Variants in PKP4 observed in about 807,000 individuals in gnomAD.
PKP4 encodes the protein plakophilin-4.
In PKP4, 90 loss-of-function variants were observed where a neutral mutation model predicts 145.1. The observed-to-expected ratio is 0.62, with a 90% CI of 0.52 to 0.74. The LOEUF (loss-of-function observed/expected upper bound fraction) is 0.74. PKP4 is among the 30% of genes least tolerant of loss of function. PKP4 has a pLI of 0.00. For synonymous variants in PKP4, 563 were observed against 577.2 expected, an observed-to-expected ratio of 0.98 and a Z score of 0.35; for missense variants, 1,340 against 1,482.7, an observed-to-expected ratio of 0.90 and a Z score of 1.58.
intron 1 of PKP4, among the ~76,000 whole-genome samples, chr2:158,484,858 A>AAC (rs1559207480): frequency 6.6e-6 from 1 of 152,196 alleles, no homozygotes. Flanking sequence ...CCCCATATGG[A>AAC]CTTGTTAGAA....
At chr2:158,500,618 G>A (rs1043225586) in intron 1 of PKP4, among the ~76,000 whole-genome samples, 12 of 152,162 alleles carry the variant, frequency 7.9e-5, no homozygotes, top group African/African-American at 2.7e-4. Flanking sequence ...CAGAGCCCGT[G>A]CCTTCCTTCA....
intron 11 of PKP4, among the ~76,000 whole-genome samples, chr2:158,645,840 A>G (rs771388485): frequency 3.9e-5 from 6 of 152,224 alleles, no homozygotes; most frequent in African/African-American, 7.2e-5. Flanking sequence ...CAGGAAGAAA[A>G]GTACATGATT....
intron 6 of PKP4, among the ~76,000 whole-genome samples, chr2:158,624,674 CAAA>C (rs999943180): frequency 2.3e-4 from 19 of 81,236 alleles, no homozygotes; most frequent in Non-Finnish European, 3.4e-4. Context: ...TTTAAACCAC[CAAA>C]AAAAAAAAAA....
chr2:158,586,899 C>T (rs2048845282), intron 3 of PKP4, among the ~76,000 whole-genome samples: 1 of 152,198 alleles, frequency 6.6e-6, no homozygotes, highest in South Asian at 2.1e-4. Context: ...TTGCCTAGGA[C>T]ATGTGACCCC....
chr2:158,674,836 A>G (rs2057868461), intron 19 of PKP4, among the ~76,000 whole-genome samples: 1 of 152,210 alleles, frequency 6.6e-6, no homozygotes, highest in Non-Finnish European at 1.5e-5. Context: ...TATCTATTTT[A>G]TTCAGCAGTG....
intron 1 of PKP4, among the ~76,000 whole-genome samples, chr2:158,467,388 C>G (rs1429840437): frequency 1.3e-5 from 2 of 152,012 alleles, no homozygotes; most frequent in Admixed American, 1.3e-4. Flanking sequence ...TTCATTACAA[C>G]TATAGTTTTG....
chr2:158,615,961 C>A (rs1201811364), intron 4 of PKP4, among the ~76,000 whole-genome samples: 2 of 152,166 alleles, frequency 1.3e-5, no homozygotes, highest in African/African-American at 2.4e-5. Flanking sequence ...AAGAACCAGA[C>A]CAGAAATAGT....
intron 1 of PKP4, among the ~76,000 whole-genome samples, chr2:158,482,393 C>T (rs1436278949): frequency 6.6e-6 from 1 of 152,208 alleles, no homozygotes; most frequent in Non-Finnish European, 1.5e-5. Flanking sequence ...AAGTGATCCT[C>T]CTGCTTCAGC....
intron 1 of PKP4, among the ~76,000 whole-genome samples, chr2:158,529,918 G>A (rs1463927388): frequency 6.6e-6 from 1 of 152,070 alleles, no homozygotes; most frequent in Non-Finnish European, 1.5e-5. Context: ...TTGATATCAT[G>A]GCTAAAACAT....
In PKP4 at chr2:158,577,354, A is replaced by G; in HGVS notation, c.216A>G (p.Gly72=). The G allele has an allele frequency of 6.2e-7, 1 of 1,612,840 alleles. No homozygotes were observed. Among genetic ancestry groups the G allele is most frequent in the Non-Finnish European group, 8.5e-7 (1 of 1,179,376 alleles). Residue 72 remains glycine, a synonymous_variant, in exon 3 of 22, where the codon GGA becomes GGG. Transcript: ENST00000389759. ...VASQLERCRL[G]AESPSIASTS... ...GTCAGCTAGAAAGATGTAGGCTTGG[A>G]GCAGAATCACCAAGCATCGCCAGCA...
Position 158,662,902 on chromosome 2 carries a change from G to A in PKP4, c.2217G>A (p.Val739=), listed in dbSNP as rs766044197. Residue 739 remains valine, a synonymous_variant, in exon 14 of 22, where the codon GTG becomes GTA. Coordinates refer to ENST00000389759, the MANE Select transcript of PKP4 (RefSeq NM_003628.6). ...TACGCCATGCTGGGTTTCAGACGGT[G>A]GAGAACTGCGTGTGCACCCTGAGGA... ...VNTSDYDSKT[V]ENCVCTLRNL... 10 of 1,599,098 alleles carry A rather than the reference G, an allele frequency of 6.3e-6. No homozygotes were observed. Among genetic ancestry groups the A allele is most frequent in the Non-Finnish European group, 5.1e-6 (6 of 1,174,156 alleles).
chr2:158,488,225 G>T (rs1298217804), intron 1 of PKP4, among the ~76,000 whole-genome samples: 1 of 152,212 alleles, frequency 6.6e-6, no homozygotes, highest in Non-Finnish European at 1.5e-5. Flanking sequence ...TCTAGGTAGT[G>T]TATGAAAGTT....
intron 2 of PKP4, 82 bp from the exon 3 acceptor site, chr2:158,577,189 C>T: frequency 1.2e-6 from 1 of 806,188 alleles, no homozygotes. Flanking sequence ...TCCTATGTTT[C>T]CTGTGACATA....
At chr2:158,475,938 A>C (rs1423900252) in intron 1 of PKP4, among the ~76,000 whole-genome samples, 1 of 152,252 alleles carries the variant, frequency 6.6e-6, no homozygotes, top group Non-Finnish European at 1.5e-5. Context: ...TAATAGGGAC[A>C]GTCCACAAAA....
chr2:158,508,043 C>A (rs1420756775), intron 1 of PKP4, among the ~76,000 whole-genome samples: 2 of 151,976 alleles, frequency 1.3e-5, no homozygotes, highest in African/African-American at 4.8e-5. Context: ...ATCCCTTAGA[C>A]ATTCTACCCA....
At chr2:158,563,082 A>C (rs965953438) in intron 2 of PKP4, among the ~76,000 whole-genome samples, 4 of 152,202 alleles carry the variant, frequency 2.6e-5, no homozygotes, top group Non-Finnish European at 4.4e-5. Flanking sequence ...TAAAGCAAAC[A>C]GTTCATTTTA....
intron 1 of PKP4, among the ~76,000 whole-genome samples, chr2:158,512,322 G>A (rs1435362584): frequency 3.9e-5 from 6 of 152,184 alleles, no homozygotes; most frequent in South Asian, 2.1e-4. Flanking sequence ...CAGAATTAAG[G>A]CATTGTTTTG....
At chr2:158,618,663 A>G (rs571463161) in intron 4 of PKP4, among the ~76,000 whole-genome samples, 11 of 152,156 alleles carry the variant, frequency 7.2e-5, no homozygotes, top group Non-Finnish European at 1.5e-4. Context: ...ATGGTTTCTG[A>G]GAATATGTTT....
chr2:158,671,518 A>C (rs774354311), intron 17 of PKP4, among the ~76,000 whole-genome samples: 4 of 152,300 alleles, frequency 2.6e-5, no homozygotes, highest in Admixed American at 1.3e-4. Context: ...CATATTAAGA[A>C]AATTGCTACC....
Sources: gnomAD v4.1 joint callset for allele counts (sites outside exome capture counted in the v4.1 genomes callset) on GRCh38, gnomAD v4.1.1 for gene constraint, MANE v1.5 for transcripts, NCBI Gene and HGNC (gene_info 2026-07-23, HGNC 2026-07-21) for gene names.